Variants in LUZP2 observed in about 807,000 individuals in gnomAD.
LUZP2 encodes leucine zipper protein 2.
In LUZP2, 52 loss-of-function variants were observed where a neutral mutation model predicts 51.6. That is an observed-to-expected ratio of 1.01 (90% CI 0.81 to 1.27). The LOEUF (loss-of-function observed/expected upper bound fraction) is 1.27, where lower values mean the gene tolerates loss of function less well. Among genes scored for constraint, LUZP2 ranks in the 50% most tolerant of loss-of-function variants. LUZP2 has a pLI of 0.00. For synonymous variants in LUZP2, 154 were observed against 137.3 expected, an observed-to-expected ratio of 1.12 and a Z score of -0.85; for missense variants, 436 against 395.4, an observed-to-expected ratio of 1.10 and a Z score of -0.87.
intron 1 of LUZP2, among the ~76,000 whole-genome samples, chr11:24,687,905 A>C (rs542297683): frequency 6.6e-6 from 1 of 152,190 alleles, no homozygotes; most frequent in African/African-American, 2.4e-5. Flanking sequence ...TCACTTCTCT[A>C]AGTTCTCTTC....
At chr11:24,584,832 A>G (rs1853004202) in intron 1 of LUZP2, among the ~76,000 whole-genome samples, 1 of 152,178 alleles carries the variant, frequency 6.6e-6, no homozygotes. Context: ...GTACATAAAT[A>G]CTTGATCCTA....
intron 5 of LUZP2, among the ~76,000 whole-genome samples, chr11:24,873,516 G>T (rs139064686): frequency 6.6e-6 from 1 of 152,078 alleles, no homozygotes; most frequent in South Asian, 2.1e-4. Flanking sequence ...TTTTCCTTCA[G>T]ATAACCCTTT....
intron 1 of LUZP2, among the ~76,000 whole-genome samples, chr11:24,599,803 A>C (rs1390182094): frequency 6.6e-6 from 1 of 152,124 alleles, no homozygotes; most frequent in Non-Finnish European, 1.5e-5. Flanking sequence ...GAAACTACTA[A>C]ATTTGAAAAG....
chr11:24,740,070 G>T (rs1337357712), intron 4 of LUZP2, among the ~76,000 whole-genome samples: 1 of 152,184 alleles, frequency 6.6e-6, no homozygotes, highest in East Asian at 1.9e-4. Context: ...TTTAATCTGA[G>T]TTTCTTCATA....
Position 24,763,290 on chromosome 11 carries a change from C to G in LUZP2, c.378C>G (p.Ile126Met), listed in dbSNP as rs757287397. The change falls in exon 5 of 12, where the codon ATC becomes ATG. Residue 126 changes from isoleucine to methionine, a missense_variant. Physicochemically the swap from Ile to Met is conservative, Grantham distance 10 (BLOSUM62 1). Transcript: ENST00000336930. ...AAGTTGAAAGAAAGAGCAAAATGAT[C>G]CGAGACCTCCAGAATGAGGTAAGAT... ...KTEVERKSKMIRDLQNENKSL... is the reference protein window; with the variant it reads ...KTEVERKSKMMRDLQNENKSL... 2 of 1,382,088 alleles carry G rather than the reference C, an allele frequency of 1.4e-6. No homozygotes were observed. The highest frequency in any genetic ancestry group is 1.9e-6 in the Non-Finnish European group (2 of 1,044,532). 85.6% of individuals were successfully genotyped at this position (1,382,088 alleles called of 1,614,324 possible).
At chr11:24,713,750 A>G (rs558855175) in intron 1 of LUZP2, among the ~76,000 whole-genome samples, 26 of 139,706 alleles carry the variant, frequency 1.9e-4, no homozygotes, top group African/African-American at 7.0e-4. Flanking sequence ...GTGCAGTAGC[A>G]TGATCTCTGC....
chr11:24,741,366 G>T (rs890859365), intron 4 of LUZP2, among the ~76,000 whole-genome samples: 1 of 151,842 alleles, frequency 6.6e-6, no homozygotes, highest in Non-Finnish European at 1.5e-5. Context: ...CCAAAGGCTT[G>T]CATTTTCTTA....
intron 9 of LUZP2, among the ~76,000 whole-genome samples, chr11:24,984,549 T>TATATATATATTTATATATATATAA (rs60530495): frequency 1.4e-5 from 1 of 71,224 alleles, no homozygotes; most frequent in Non-Finnish European, 2.8e-5. Flanking sequence ...TATATATATA[T>TATATATATATTTATATATATATAA]AATTGTGAAT....
chr11:24,610,295 A>G (rs1343197323), intron 1 of LUZP2, among the ~76,000 whole-genome samples: 4 of 152,224 alleles, frequency 2.6e-5, no homozygotes, highest in Non-Finnish European at 5.9e-5. Context: ...ATTATTTTAA[A>G]CATCTAGGAC....
At chr11:24,562,888 A>G (rs1852096921) in intron 1 of LUZP2, among the ~76,000 whole-genome samples, 1 of 150,994 alleles carries the variant, frequency 6.6e-6, no homozygotes, top group Non-Finnish European at 1.5e-5. Flanking sequence ...AAGAAAGGTT[A>G]TAATTAATAA....
intron 1 of LUZP2, among the ~76,000 whole-genome samples, chr11:24,640,103 G>A (rs895630906): frequency 6.6e-6 from 1 of 151,470 alleles, no homozygotes; most frequent in Non-Finnish European, 1.5e-5. Context: ...TTTGACATCT[G>A]TATTTCAAAG....
chr11:24,546,938 G>T (rs1307664978), intron 1 of LUZP2, among the ~76,000 whole-genome samples: 1 of 147,512 alleles, frequency 6.8e-6, no homozygotes, highest in Non-Finnish European at 1.5e-5. Flanking sequence ...TTTTGTGTGT[G>T]TTTTTGTTGT....
At chr11:24,950,555 C>T (rs1343056483) in intron 7 of LUZP2, among the ~76,000 whole-genome samples, 1 of 151,532 alleles carries the variant, frequency 6.6e-6, no homozygotes, top group African/African-American at 2.4e-5. Flanking sequence ...TAAGGATAAG[C>T]TAGTGACATG....
chr11:25,055,773 T>A (rs1236814741), intron 10 of LUZP2, among the ~76,000 whole-genome samples: 1 of 152,160 alleles, frequency 6.6e-6, no homozygotes, highest in Admixed American at 6.5e-5. Context: ...AAAGTTAGAA[T>A]TGAAGGTTTG....
At chr11:24,840,950 G>A (rs890680904) in intron 5 of LUZP2, among the ~76,000 whole-genome samples, 14 of 152,026 alleles carry the variant, frequency 9.2e-5, no homozygotes, top group African/African-American at 3.1e-4. Context: ...TATGATTGTT[G>A]AATTAAATAG....
intron 5 of LUZP2, among the ~76,000 whole-genome samples, chr11:24,837,883 A>T (rs1255875143): frequency 6.6e-6 from 1 of 151,648 alleles, no homozygotes; most frequent in Non-Finnish European, 1.5e-5. Flanking sequence ...GATCTTCACA[A>T]TACTCTTGTG....
chr11:24,872,466 C>T (rs911837175), intron 5 of LUZP2, among the ~76,000 whole-genome samples: 1 of 152,092 alleles, frequency 6.6e-6, no homozygotes, highest in Non-Finnish European at 1.5e-5. Flanking sequence ...ACTATTAAAC[C>T]ATTCAAGGGG....
intron 1 of LUZP2, among the ~76,000 whole-genome samples, chr11:24,599,156 C>G (rs1853541511): frequency 6.6e-6 from 1 of 152,080 alleles, no homozygotes; most frequent in Non-Finnish European, 1.5e-5. Flanking sequence ...GTGATGAAGA[C>G]ATGAAGATAG....
intron 5 of LUZP2, among the ~76,000 whole-genome samples, chr11:24,888,373 T>C (rs556537094): frequency 6.6e-6 from 1 of 152,286 alleles, no homozygotes; most frequent in African/African-American, 2.4e-5. Context: ...ATTGTGAAAG[T>C]ATGCTGCATT....
Sources: gnomAD v4.1 joint callset for allele counts (sites outside exome capture counted in the v4.1 genomes callset) on GRCh38, gnomAD v4.1.1 for gene constraint, MANE v1.5 for transcripts, NCBI Gene and HGNC (gene_info 2026-07-23, HGNC 2026-07-21) for gene names.